Variants in BMP1 observed in about 807,000 individuals in gnomAD.
BMP1 encodes bone morphogenetic protein 1, also known as mammalian tolloid protein.
BMP1 carries 63 observed loss-of-function variants against 116.8 expected under a neutral mutation model. The observed-to-expected ratio is 0.54, with a 90% confidence interval of 0.44 to 0.67. BMP1 has a LOEUF of 0.67. Ranked by LOEUF, BMP1 falls within the 30% of genes least tolerant of loss-of-function variation. The pLI is 0.00. For synonymous variants in BMP1, 536 were observed against 533.4 expected (o/e 1.00, Z -0.07); for missense variants, 1,183 against 1,358.9 (o/e 0.87, Z 2.04).
chr8:22,204,496 G>T (rs1293696541), intron 16 of BMP1, among the ~76,000 whole-genome samples: 2 of 152,128 alleles, frequency 1.3e-5, no homozygotes, highest in Admixed American at 6.6e-5. Context: ...GCTGATGGGG[G>T]CAGATTGCCT....
intron 17 of BMP1, 78 bp downstream of exon 17, chr8:22,207,059 C>T (rs1829373903): frequency 6.4e-7 from 1 of 1,572,852 alleles, no homozygotes; most frequent in Admixed American, 1.8e-5. Context: ...ACACAGGCTG[C>T]AGGCTGAGCC....
intron 15 of BMP1, 149 bp from the exon 16 acceptor site, chr8:22,201,654 C>G: frequency 7.1e-7 from 1 of 1,410,320 alleles, no homozygotes; most frequent in Non-Finnish European, 9.4e-7. Context: ...CGCCTGGCCT[C>G]CCACTCCCGG....
chr8:22,192,352 A>C, intron 9 of BMP1: 3 of 507,376 alleles, frequency 5.9e-6, no homozygotes, highest in East Asian at 3.5e-5. Flanking sequence ...CCTGTCCTCA[A>C]TCTGGACTTC....
intron 19 of BMP1, among the ~76,000 whole-genome samples, chr8:22,211,253 C>T (rs988437204): frequency 6.6e-6 from 1 of 152,236 alleles, no homozygotes; most frequent in African/African-American, 2.4e-5. Context: ...TGTTTTTCCC[C>T]AGCACCCCTC....
At chr8:22,207,217 G>C (rs1247356925) in intron 17 of BMP1, 86 bp from the exon 18 acceptor site, 1 of 1,468,288 alleles carries the variant, frequency 6.8e-7, no homozygotes. Context: ...ATGGGTATCT[G>C]TGAGGCCTAG....
chr8:22,174,303 A>T (rs530802369), intron 2 of BMP1, among the ~76,000 whole-genome samples: 16 of 152,190 alleles, frequency 1.1e-4, no homozygotes, highest in Admixed American at 5.9e-4. Flanking sequence ...CTGTGATCAC[A>T]CTGTTACCCT....
chr8:22,190,722 T>C (rs73225853), intron 8 of BMP1, among the ~76,000 whole-genome samples: 10,132 of 152,272 alleles, frequency 0.067, 405 homozygotes, highest in Admixed American at 0.098. Context: ...CCGACTAGCA[T>C]TGATGCTGGC....
chr8:22,194,674 G>C lies in BMP1; in HGVS notation c.1444-50G>C, dbSNP rs368869242. ...TGCCTCTCTTTGGGCTCCCAGGGGTGGGTCTCTGGCAGCCAGAGCCCCTTC... is the reference window on the plus strand; with the variant it reads ...TGCCTCTCTTTGGGCTCCCAGGGGTCGGTCTCTGGCAGCCAGAGCCCCTTC... On this transcript the variant is annotated intron_variant, in intron 11 of 19. Coordinates refer to ENST00000306385, the MANE Select transcript of BMP1 (RefSeq NM_006129.5). The surrounding 1 kb of genome is among the most constrained non-coding windows in gnomAD (Gnocchi z 4.5). 13 of 1,594,306 alleles carry C rather than the reference G, an allele frequency of 8.2e-6. No homozygotes were observed. The African/African-American group carries it at 1.5e-4, about 18-fold the overall frequency.
At chr8:22,176,478 TA>T in intron 3 of BMP1, 54 bp from the exon 4 acceptor site, 1 of 1,584,994 alleles carries the variant, frequency 6.3e-7, no homozygotes, top group Non-Finnish European at 8.6e-7. Flanking sequence ...CAGTGGTGGG[TA>T]GGGGGTGGGA....
At chr8:22,206,173 C>A (rs1304353248) in intron 16 of BMP1, among the ~76,000 whole-genome samples, 2 of 152,042 alleles carry the variant, frequency 1.3e-5, no homozygotes. Flanking sequence ...TCGAGACCAG[C>A]CTGGCCAACA....
intron 3 of BMP1, 80 bp downstream of exon 3, chr8:22,176,393 G>C: frequency 1.9e-6 from 3 of 1,558,230 alleles, no homozygotes; most frequent in Non-Finnish European, 8.7e-7. Context: ...GCACGGAGGC[G>C]TGGGTGCCAC....
chr8:22,172,901 G>A (rs555604224), intron 1 of BMP1, among the ~76,000 whole-genome samples: 6 of 152,180 alleles, frequency 3.9e-5, no homozygotes, highest in African/African-American at 1.4e-4. Flanking sequence ...ACAGGTGTGA[G>A]CCACTGCACC....
In BMP1 at chr8:22,173,640, C is replaced by A. The variant is rs766763902; in HGVS notation, c.187C>A (p.Leu63Met). Residue 63 changes from leucine to methionine, a missense_variant, in exon 2 of 20, where the codon CTG becomes ATG. Leu to Met is a conservative substitution (Grantham distance 15, BLOSUM62 2). Transcript: ENST00000306385. ...LGDIALDEED[L>M]RAFQVQQAVD... ...GGACATTGCCCTGGACGAAGAGGACCTGAGGGCCTTCCAGGTACAGCAGGC... is the reference window on the plus strand; with the variant it reads ...GGACATTGCCCTGGACGAAGAGGACATGAGGGCCTTCCAGGTACAGCAGGC... 6.2e-7 allele frequency: 1 copy of A among 1,613,648 alleles called. No individual in the cohort carries two copies. The highest frequency in any genetic ancestry group is 1.7e-5 in the Admixed American group (1 of 59,940).
intron 5 of BMP1, 139 bp from the exon 6 acceptor site, chr8:22,177,713 G>C (rs777412954): frequency 3.9e-6 from 3 of 778,716 alleles, no homozygotes; most frequent in Admixed American, 3.5e-5. Context: ...GCTCCCCTTG[G>C]CTGCTCCCCG....
intron 14 of BMP1, 114 bp downstream of exon 14, chr8:22,196,954 A>G (rs2131887892): frequency 7.5e-7 from 1 of 1,338,404 alleles, no homozygotes; most frequent in Non-Finnish European, 1.0e-6. Context: ...CTCTGCAAAT[A>G]TCGAGGAGAG....
intron 16 of BMP1, among the ~76,000 whole-genome samples, chr8:22,204,213 AC>A (rs1249560501): frequency 6.6e-5 from 10 of 152,026 alleles, no homozygotes; most frequent in Admixed American, 2.0e-4. Flanking sequence ...GGCTGTGTGA[AC>A]CCACCGATGG....
At chr8:22,207,560 A>G in intron 18 of BMP1, 44 bp downstream of exon 18, 1 of 1,600,452 alleles carries the variant, frequency 6.2e-7, no homozygotes, top group Non-Finnish European at 8.5e-7. Context: ...CCTGGTCTCC[A>G]AGACTGGGGT....
At position 22,211,833 on chromosome 8, in the gene BMP1, C is replaced by A. The variant is rs1829467802; in HGVS notation, c.*105C>A. The A allele has an allele frequency of 1.9e-6, 3 of 1,557,518 alleles. No individual in the cohort carries two copies. Among genetic ancestry groups the A allele is most frequent in the Non-Finnish European group, 2.6e-6 (3 of 1,144,668 alleles). ...AACGCACCATCCCTCTCCCCCAGGC[C>A]CCAGGACCTGCAGGGCCAATGGCCT... On this transcript the variant is annotated 3_prime_UTR_variant, in exon 20 of 20. Transcript: ENST00000306385.
At chr8:22,188,700 C>G (rs1828847229) in intron 8 of BMP1, among the ~76,000 whole-genome samples, 1 of 152,198 alleles carries the variant, frequency 6.6e-6, no homozygotes, top group Admixed American at 6.5e-5. Context: ...CTCTCTTGGC[C>G]AATGCAGGTT....
Sources: gnomAD v4.1 joint callset for allele counts (sites outside exome capture counted in the v4.1 genomes callset) on GRCh38, gnomAD v4.1.1 for gene constraint, Gnocchi (gnomAD v3.1) non-coding constraint, MANE v1.5 for transcripts, NCBI Gene and HGNC (gene_info 2026-07-23, HGNC 2026-07-21) for gene names.